CELSR1: variants seen among roughly 807,000 people sequenced by gnomAD.
The protein encoded by CELSR1 is adhesion G protein-coupled receptor C1.
Under a neutral mutation model 249.1 loss-of-function variants are expected in CELSR1, and 110 were observed. That is an observed-to-expected ratio of 0.44 (90% confidence interval 0.38 to 0.52). CELSR1 has a LOEUF of 0.52. CELSR1 is among the 20% of genes least tolerant of loss of function. CELSR1 has a pLI of 0.00. For missense variants in CELSR1, 4,109 were observed against 4,296.4 expected, an observed-to-expected ratio of 0.96 and a Z score of 1.22; for synonymous variants, 2,113 against 1,900.0, an observed-to-expected ratio of 1.11 and a Z score of -2.92.
rs573416636 is a variant in CELSR1, at chr22:46,445,782, C to T, written c.4184-6371G>A. Among the ~76,000 whole-genome samples, 4 of 152,304 alleles carry T rather than the reference C, an allele frequency of 2.6e-5. No homozygotes were observed. The highest frequency in any genetic ancestry group is 1.9e-4 in the East Asian group (1 of 5,168). ...GGCAGAGCCTTTCCCGTCGATGCTT[C>T]GGAGGTGGAAGCGTCCAGGACTCCC... On this transcript the variant is annotated intron_variant, in intron 2 of 34. Coordinates refer to ENST00000674500, the MANE Select transcript of CELSR1 (RefSeq NM_001378328.1). This position sits in a 1 kb window ranked among gnomAD's most constrained non-coding sequence, Gnocchi z 4.4.
rs2080644217 is a variant in CELSR1, at chr22:46,517,855, C to A, written c.3544+15772G>T. Among the ~76,000 whole-genome samples the A allele has an allele frequency of 6.6e-6, 1 of 151,220 alleles. No individual in the cohort carries two copies. Among genetic ancestry groups the A allele is most frequent in the South Asian group, 2.1e-4 (1 of 4,786 alleles). On this transcript the variant is annotated intron_variant, in intron 1 of 34. Coordinates refer to ENST00000674500, the MANE Select transcript of CELSR1 (RefSeq NM_001378328.1). This position sits in a 1 kb window ranked among gnomAD's most constrained non-coding sequence, Gnocchi z 5.4. Reference sequence around the variant, plus strand: ...CTGTCATCTGAAAGCACCCACCACCCTGTGTCCCCATATTCTGTTTATTAC... The same window carrying A: ...CTGTCATCTGAAAGCACCCACCACCATGTGTCCCCATATTCTGTTTATTAC...
chr22:46,516,086 A>C, intron 1 of CELSR1, among the ~76,000 whole-genome samples: 1 of 152,164 alleles, frequency 6.6e-6, no homozygotes, highest in Admixed American at 6.6e-5. Context: ...ATACCATTTG[A>C]CCCAGCCATC....
Position 46,529,122 on chromosome 22 carries a change from T to C in CELSR1, c.3544+4505A>G, listed in dbSNP as rs1602245535. On this transcript the variant is annotated intron_variant, in intron 1 of 34. Coordinates refer to ENST00000674500, the MANE Select transcript of CELSR1 (RefSeq NM_001378328.1). ...CTACTAAAAATACAAAAAAATTAGC[T>C]GGGTGTGGTGGCGGGTACCTGTAGT... Among the ~76,000 whole-genome samples the C allele has an allele frequency of 2.7e-5, 4 of 148,370 alleles. No individual in the cohort carries two copies. In the South Asian group the frequency reaches 8.7e-4, roughly 32 times the overall value.
chr22:46,416,138 G>T (rs377656416), intron 5 of CELSR1, among the ~76,000 whole-genome samples: 1 of 149,402 alleles, frequency 6.7e-6, no homozygotes, highest in African/African-American at 2.5e-5. Context: ...CAGACGAACC[G>T]CCTCCTCACA....
At chr22:46,491,262 C>CTTTTTTT (rs58492957) in intron 1 of CELSR1, among the ~76,000 whole-genome samples, 1 of 118,556 alleles carries the variant, frequency 8.4e-6, no homozygotes, top group African/African-American at 3.3e-5. Context: ...CAGAAAGTCA[C>CTTTTTTT]TTTTTTTTTT....
At chr22:46,416,587 C>T (rs755698923) in intron 5 of CELSR1, among the ~76,000 whole-genome samples, 5 of 152,132 alleles carry the variant, frequency 3.3e-5, no homozygotes, top group African/African-American at 4.8e-5. Flanking sequence ...CTGGGGCAGG[C>T]GGAAACAGAG....
chr22:46,507,364 A>C (rs1367784410), intron 1 of CELSR1, among the ~76,000 whole-genome samples: 5 of 151,886 alleles, frequency 3.3e-5, no homozygotes, highest in Non-Finnish European at 7.4e-5. Flanking sequence ...CTGGACTACC[A>C]AGAAGACACC....
intron 2 of CELSR1, among the ~76,000 whole-genome samples, chr22:46,460,068 C>G (rs1038061297): frequency 6.6e-6 from 1 of 152,070 alleles, no homozygotes; most frequent in African/African-American, 2.4e-5. Flanking sequence ...ATTAGCCGGG[C>G]GTGGTGATGC....
At chr22:46,368,171 C>T (rs1194078883) in intron 27 of CELSR1, among the ~76,000 whole-genome samples, 1 of 152,174 alleles carries the variant, frequency 6.6e-6, no homozygotes, top group Non-Finnish European at 1.5e-5. Context: ...CACTAGCTCC[C>T]GTGAGATACC....
Position 46,524,562 on chromosome 22 carries a change from GTGTGTGTGTCTGTC to G in CELSR1, c.3544+9051_3544+9064del, listed in dbSNP as rs1363965187. Among the ~76,000 whole-genome samples the G allele has an allele frequency of 2.3e-3, 289 of 124,260 alleles. 2 individuals carry two copies. The highest frequency in any genetic ancestry group is 8.1e-3 in the Middle Eastern group (2 of 248). The allele number at this position is 124,260 out of a possible 152,430, so 81.5% of individuals were successfully genotyped here. A position where few individuals can be genotyped will look rare whatever the true frequency, so the allele number is the denominator to read the frequency against. On this transcript the variant is annotated intron_variant, in intron 1 of 34. Transcript: ENST00000674500. ...TGTGCGTGTGTGTGTGTGTGTGTGT[GTGTGTGTGTCTGTC>G]TGTCTGTGTGTTTTGTTTGCTTTTT... is the stretch of plus-strand genomic sequence containing the variant.
rs1230879347 is a variant in CELSR1 at position 46,380,693 on chromosome 22, G to A, written c.7256+95C>T. 130 of 1,420,302 alleles carry A rather than the reference G, an allele frequency of 9.2e-5. No homozygotes were observed. The East Asian group carries it at 1.4e-3, about 16-fold the overall frequency. The allele number at this position is 1,420,302 out of a possible 1,614,324, so 88.0% of individuals were successfully genotyped here. A position where few individuals can be genotyped will look rare whatever the true frequency, so the allele number is the denominator to read the frequency against. On this transcript the variant is annotated intron_variant, in intron 22 of 34. Transcript: ENST00000674500. The surrounding 1 kb of genome is among the most constrained non-coding windows in gnomAD (Gnocchi z 5.1). ...GGGGAAACACAGACCACAAGAGACC[G>A]TCCTCTTGGGGCGCTCTGCCACTGA...
In CELSR1 at chr22:46,441,001, A is replaced by C. The variant is rs1329735655; in HGVS notation, c.4184-1590T>G. ...AACCCCGTCTCTACTAAAAATACAA[A>C]AATTAGCCAGGCGTGGTGGCGGGTG... is the stretch of plus-strand genomic sequence containing the variant. On this transcript the variant is annotated intron_variant, in intron 2 of 34. Coordinates refer to ENST00000674500, the MANE Select transcript of CELSR1 (RefSeq NM_001378328.1). The surrounding 1 kb of genome is among the most constrained non-coding windows in gnomAD (Gnocchi z 6.1). Among the ~76,000 whole-genome samples, 2 of 152,034 alleles carry C rather than the reference A, an allele frequency of 1.3e-5. No homozygotes were observed. The highest frequency in any genetic ancestry group is 2.9e-5 in the Non-Finnish European group (2 of 68,008).
chr22:46,398,642 G>A lies in CELSR1; in HGVS notation c.5413-5C>T. ...GCCCCCGATATCTGCCTTGTTCTGTGCGGAGAGAGGGGCCGGGGATCTGGG... is the reference window on the plus strand; with the variant it reads ...GCCCCCGATATCTGCCTTGTTCTGTACGGAGAGAGGGGCCGGGGATCTGGG... On this transcript the variant is annotated splice_polypyrimidine_tract_variant and splice_region_variant and intron_variant, in intron 10 of 34. Coordinates refer to ENST00000674500, the MANE Select transcript of CELSR1 (RefSeq NM_001378328.1). This position sits in a 1 kb window ranked among gnomAD's most constrained non-coding sequence, Gnocchi z 7.2. The A allele has an allele frequency of 1.2e-6, 2 of 1,604,510 alleles. No individual in the cohort carries two copies. The highest frequency in any genetic ancestry group is 2.2e-5 in the East Asian group (1 of 44,676).
chr22:46,462,535 C>T (rs75094022), intron 2 of CELSR1, among the ~76,000 whole-genome samples: 1,840 of 152,034 alleles, frequency 0.012, 26 homozygotes, highest in Non-Finnish European at 0.019. Flanking sequence ...GAGCAGCTAA[C>T]GATTGCTCAG....
chr22:46,485,448 C>T (rs2080303623), intron 1 of CELSR1, among the ~76,000 whole-genome samples: 2 of 152,156 alleles, frequency 1.3e-5, no homozygotes, highest in Admixed American at 1.3e-4. Context: ...CAAGCAAAGA[C>T]TCAAAGCTCC....
At chr22:46,404,272 C>G (rs1355724423) in intron 9 of CELSR1, among the ~76,000 whole-genome samples, 1 of 151,392 alleles carries the variant, frequency 6.6e-6, no homozygotes, top group African/African-American at 2.4e-5. Context: ...ATTAGCTGGG[C>G]GTGGTGGCAC....
At position 46,391,009 on chromosome 22, in the gene CELSR1, G is replaced by A. The variant is rs539649983; in HGVS notation, c.6250+177C>T. Among the ~76,000 whole-genome samples the A allele has an allele frequency of 2.6e-3, 392 of 152,302 alleles. 2 individuals are homozygous for A. Among genetic ancestry groups the A allele is most frequent in the Middle Eastern group, 0.01 (3 of 294 alleles). On this transcript the variant is annotated intron_variant, in intron 16 of 34. Transcript: ENST00000674500. The surrounding 1 kb of genome is among the most constrained non-coding windows in gnomAD (Gnocchi z 4.3). ...GCTGCACTGTTCATGTTTCTGTTGCGCCCTCTGCCTGCTTTGTGTATTTCC... is the reference window on the plus strand; with the variant it reads ...GCTGCACTGTTCATGTTTCTGTTGCACCCTCTGCCTGCTTTGTGTATTTCC...
chr22:46,537,175 C>T lies in CELSR1; in HGVS notation c.-5G>A. Reference sequence around the variant, plus strand: ...GGGCGGCGGCGGCGGCGCCATGGCCCGGAGCCCGAGCCCGAGCCGGGCGCC... The same window carrying T: ...GGGCGGCGGCGGCGGCGCCATGGCCTGGAGCCCGAGCCCGAGCCGGGCGCC... On this transcript the variant is annotated 5_prime_UTR_variant, in exon 1 of 35. Coordinates refer to ENST00000674500, the MANE Select transcript of CELSR1 (RefSeq NM_001378328.1). This position sits in a 1 kb window ranked among gnomAD's most constrained non-coding sequence, Gnocchi z 5.8. 9.8e-7 allele frequency: 1 copy of T among 1,021,286 alleles called. No homozygotes were observed. Among genetic ancestry groups the T allele is most frequent in the South Asian group, 4.4e-5 (1 of 22,478 alleles). The allele number at this position is 1,021,286 out of a possible 1,614,324, so 63.3% of individuals were successfully genotyped here. A position where few individuals can be genotyped will look rare whatever the true frequency, so the allele number is the denominator to read the frequency against.
At chr22:46,487,090 A>G (rs2080320322) in intron 1 of CELSR1, among the ~76,000 whole-genome samples, 1 of 151,664 alleles carries the variant, frequency 6.6e-6, no homozygotes, top group Non-Finnish European at 1.5e-5. Context: ...GGTCTCAAGA[A>G]CAGCAGCTCC....
Sources: allele counts gnomAD v4.1 joint callset (sites outside exome capture counted in the v4.1 genomes callset), GRCh38; gene constraint gnomAD v4.1.1; non-coding constraint Gnocchi (gnomAD v3.1); transcripts MANE v1.5; gene names NCBI Gene and HGNC (gene_info 2026-07-23, HGNC 2026-07-21).